STKLD1: variants seen among roughly 807,000 people sequenced by gnomAD.
STKLD1 encodes the protein serine/threonine kinase-like domain-containing protein STKLD1.
A neutral mutation model predicts 80.4 loss-of-function variants in STKLD1; 79 were observed. The observed-to-expected ratio is 0.98, with a 90% CI of 0.82 to 1.19. The LOEUF (loss-of-function observed/expected upper bound fraction) is 1.19. STKLD1 is among the 50% of genes most tolerant of loss of function. The pLI, the probability that STKLD1 is intolerant of heterozygous loss-of-function variation, is 0.00. For missense variants in STKLD1, 841 were observed against 856.0 expected, an observed-to-expected ratio of 0.98 and a Z score of 0.22; for synonymous variants, 393 against 357.6, an observed-to-expected ratio of 1.10 and a Z score of -1.12.
Position 133,380,626 on chromosome 9 carries a change from C to G in STKLD1, c.174+1504C>G, listed in dbSNP as rs2130264119. ...CGAGATTGCGCCACTGCACTCCAGC[C>G]TGGGTGACACAGCGAGACTCTGTCT... is the stretch of plus-strand genomic sequence containing the variant. On this transcript the variant is annotated intron_variant, in intron 2 of 17. Transcript: ENST00000371957. Among the ~76,000 whole-genome samples, 5 of 152,084 alleles carry G rather than the reference C, an allele frequency of 3.3e-5. No individual in the cohort carries two copies. The South Asian group carries it at 1.0e-3, about 32-fold the overall frequency.
At position 133,405,448 on chromosome 9, in the gene STKLD1, T is replaced by A; in HGVS notation, c.*27T>A. On this transcript the variant is annotated 3_prime_UTR_variant, in exon 18 of 18. Transcript: ENST00000371957. ...TGTTTGTATGGAACTGACCTTGATCTCCACGTGTATAGTTTTCAAGACTGC... is the reference window on the plus strand; with the variant it reads ...TGTTTGTATGGAACTGACCTTGATCACCACGTGTATAGTTTTCAAGACTGC... 2 of 1,572,438 alleles carry A rather than the reference T, an allele frequency of 1.3e-6. No individual in the cohort carries two copies. The highest frequency in any genetic ancestry group is 8.6e-7 in the Non-Finnish European group (1 of 1,163,686).
intron 11 of STKLD1, 87 bp from the exon 12 acceptor site, chr9:133,400,325 TC>T (rs1388683931): frequency 1.1e-6 from 1 of 926,764 alleles, no homozygotes; most frequent in Non-Finnish European, 1.7e-6. Context: ...CCCTGCAGGC[TC>T]CTACCAGCCT....
intron 11 of STKLD1, among the ~76,000 whole-genome samples, chr9:133,398,801 C>G (rs1049837277): frequency 1.9e-4 from 29 of 152,072 alleles, no homozygotes; most frequent in African/African-American, 7.0e-4. Flanking sequence ...AAGATTGTTA[C>G]TGCTCATTCA....
At chr9:133,397,577 C>T (rs1330153575) in intron 10 of STKLD1, among the ~76,000 whole-genome samples, 5 of 152,192 alleles carry the variant, frequency 3.3e-5, no homozygotes, top group Non-Finnish European at 5.9e-5. Context: ...CACAAATCCT[C>T]TATGTAGCTC....
rs143458184 is a variant in STKLD1, at chr9:133,400,480, C to T, written c.1149C>T (p.Leu383=). 68 of 1,613,456 alleles carry T rather than the reference C, an allele frequency of 4.2e-5. No individual in the cohort carries two copies. The highest frequency in any genetic ancestry group is 4.0e-4 in the African/African-American group (30 of 75,050). ...VTTMELHDRV[L]DVQLCACSLL... ...CCATGGAGCTACATGACAGGGTCCT[C>T]GATGTCCAGCTGTGTGCCTGCTCCC... Residue 383 remains leucine (L), a synonymous_variant, in exon 12 of 18, where the codon CTC becomes CTT. Coordinates refer to ENST00000371957, the MANE Select transcript of STKLD1 (RefSeq NM_153710.5).
At chr9:133,400,951 C>T (rs782136882) in intron 12 of STKLD1, among the ~76,000 whole-genome samples, 2 of 152,292 alleles carry the variant, frequency 1.3e-5, no homozygotes, top group African/African-American at 2.4e-5. Flanking sequence ...ACGAGGTCCT[C>T]TGGAGTGACC....
intron 1 of STKLD1, among the ~76,000 whole-genome samples, chr9:133,377,720 G>A (rs1255990753): frequency 1.3e-5 from 2 of 152,058 alleles, no homozygotes; most frequent in Non-Finnish European, 2.9e-5. Flanking sequence ...GACCAGTTTT[G>A]TGGAAGACAA....
chr9:133,392,270 C>T (rs959282333), intron 7 of STKLD1, among the ~76,000 whole-genome samples: 4 of 151,788 alleles, frequency 2.6e-5, no homozygotes, highest in East Asian at 1.9e-4. Context: ...TAGTAGAGAC[C>T]GGGTTTCACC....
chr9:133,399,473 AAG>A (rs1554777244), intron 11 of STKLD1, among the ~76,000 whole-genome samples: 1 of 152,164 alleles, frequency 6.6e-6, no homozygotes, highest in African/African-American at 2.4e-5. Context: ...AGTCCCTGGG[AAG>A]AGAGACTTTG....
intron 1 of STKLD1, among the ~76,000 whole-genome samples, chr9:133,378,647 A>C (rs1237477162): frequency 6.6e-6 from 1 of 152,252 alleles, no homozygotes. Context: ...ACCAGTCACA[A>C]GATTGGTTAC....
At position 133,394,030 on chromosome 9, in the gene STKLD1, T is replaced by A. The variant is rs371483964; in HGVS notation, c.584-261T>A. ...AGGGCACACAGACACACCACCTATA[T>A]GGGCCAGCCTGGTGGGCACCCACCA... On this transcript the variant is annotated intron_variant, in intron 7 of 17. Coordinates refer to ENST00000371957, the MANE Select transcript of STKLD1 (RefSeq NM_153710.5). The surrounding 1 kb of genome is among the most constrained non-coding windows in gnomAD (Gnocchi z 4.9). The A allele has an allele frequency of 8.3e-6, 4 of 483,090 alleles. No individual in the cohort carries two copies. The highest frequency in any genetic ancestry group is 3.9e-5 in the African/African-American group (2 of 51,784). The allele number at this position is 483,090 out of a possible 1,614,324, so 29.9% of individuals were successfully genotyped here.
At chr9:133,402,242 T>G (rs943623) in intron 13 of STKLD1, among the ~76,000 whole-genome samples, 80,014 of 151,926 alleles carry the variant, frequency 0.53, 21,448 homozygotes, top group African/African-American at 0.58. Flanking sequence ...TTCCGAAGCC[T>G]CCAGCCAGGA....
chr9:133,401,699 G>A lies in STKLD1; in HGVS notation c.1199-39G>A, dbSNP rs200126269. 7.5e-5 allele frequency: 120 copies of A among 1,594,276 alleles called. No individual in the cohort carries two copies. In the African/African-American group the frequency reaches 1.3e-3, roughly 18 times the overall value. Reference sequence around the variant, plus strand: ...GTGTGTCTGGCCCCATGCCTGAGCTGTGGGGCTAACCCCAGGCGTCTTCCT... The same window carrying A: ...GTGTGTCTGGCCCCATGCCTGAGCTATGGGGCTAACCCCAGGCGTCTTCCT... On this transcript the variant is annotated intron_variant, in intron 12 of 17. Transcript: ENST00000371957.
intron 1 of STKLD1, among the ~76,000 whole-genome samples, chr9:133,377,715 G>C (rs987089123): frequency 6.6e-6 from 1 of 152,142 alleles, no homozygotes. Context: ...CAAGGGACCA[G>C]TTTTGTGGAA....
intron 2 of STKLD1, 145 bp from the exon 3 acceptor site, chr9:133,383,711 T>C: frequency 1.4e-6 from 1 of 732,214 alleles, no homozygotes; most frequent in Non-Finnish European, 2.4e-6. Context: ...GTGTTGGTTG[T>C]GGTTGTGGTA....
chr9:133,392,069 CTG>C (rs1838410470), intron 7 of STKLD1, among the ~76,000 whole-genome samples: 1 of 148,408 alleles, frequency 6.7e-6, no homozygotes, highest in Non-Finnish European at 1.5e-5. Flanking sequence ...TGGTTGCACT[CTG>C]TCCTTTTTTT....
At chr9:133,403,140 A>C in intron 14 of STKLD1, 128 bp downstream of exon 14, 1 of 1,015,248 alleles carries the variant, frequency 9.8e-7, no homozygotes. Context: ...ATAGTCCGGG[A>C]AAGGCTCTTC....
chr9:133,395,836 C>T (rs1838547260), intron 9 of STKLD1, 73 bp downstream of exon 9: 1 of 1,485,196 alleles, frequency 6.7e-7, no homozygotes, highest in African/African-American at 1.4e-5. Flanking sequence ...AATACAAGCA[C>T]AGCTAGTTGG....
At chr9:133,388,722 A>G (rs1236073557) in intron 5 of STKLD1, 1 of 984,726 alleles carries the variant, frequency 1.0e-6, no homozygotes, top group African/African-American at 1.7e-5. Flanking sequence ...TTTTGCCTTC[A>G]CATTTAGATC....
Sources: allele counts gnomAD v4.1 joint callset (sites outside exome capture counted in the v4.1 genomes callset), GRCh38; gene constraint gnomAD v4.1.1; non-coding constraint Gnocchi (gnomAD v3.1); transcripts MANE v1.5; gene names NCBI Gene and HGNC (gene_info 2026-07-23, HGNC 2026-07-21).